The following LGSN variants were observed in gnomAD, a reference collection of about 807,000 sequenced individuals.
The protein encoded by LGSN is lengsin.
LGSN carries 21 observed loss-of-function variants against 19.5 expected under a neutral mutation model. The observed-to-expected ratio is 1.07, with a 90% CI of 0.76 to 1.55. LGSN has a LOEUF of 1.55. Among genes scored for constraint, LGSN ranks in the 40% most tolerant of loss-of-function variants. LGSN has a pLI of 0.00. For missense variants in LGSN, 673 were observed against 608.5 expected, an observed-to-expected ratio of 1.11 and a Z score of -1.12; for synonymous variants, 257 against 215.6, an observed-to-expected ratio of 1.19 and a Z score of -1.68.
At chr6:63,486,887 G>A in the LGSN span, among the ~76,000 whole-genome samples, 1 of 151,410 alleles carries the variant, frequency 6.6e-6, no homozygotes, top group South Asian at 2.1e-4. Context: ...CCAGGCTGGA[G>A]TGCAGTGGTG....
the LGSN span, among the ~76,000 whole-genome samples, chr6:63,358,322 T>C: frequency 6.6e-6 from 1 of 152,248 alleles, no homozygotes; most frequent in African/African-American, 2.4e-5. Flanking sequence ...GTGGGCTCTT[T>C]TTTGGTTCCA....
chr6:63,325,522 C>T, the LGSN span, among the ~76,000 whole-genome samples: 1 of 152,134 alleles, frequency 6.6e-6, no homozygotes, highest in East Asian at 1.9e-4. Context: ...AACATAGAAC[C>T]TACCAAGATT....
At chr6:63,422,604 T>A in the LGSN span, among the ~76,000 whole-genome samples, 7 of 152,146 alleles carry the variant, frequency 4.6e-5, no homozygotes, top group Non-Finnish European at 8.8e-5. Flanking sequence ...ATTAGTAGAC[T>A]GAGATAAGTT....
At chr6:63,550,897 AT>A in the LGSN span, among the ~76,000 whole-genome samples, 3 of 152,110 alleles carry the variant, frequency 2.0e-5, no homozygotes, top group African/African-American at 7.2e-5. Flanking sequence ...AAGTGTTTGG[AT>A]TACATGGATG....
At chr6:63,361,041 C>A in the LGSN span, among the ~76,000 whole-genome samples, 3 of 152,330 alleles carry the variant, frequency 2.0e-5, no homozygotes, top group Non-Finnish European at 4.4e-5. Context: ...GAGTACCCAG[C>A]CATGTGAGGT....
chr6:63,416,847 C>A, the LGSN span, among the ~76,000 whole-genome samples: 1,093 of 151,956 alleles, frequency 7.2e-3, 9 homozygotes, highest in Non-Finnish European at 0.012. Context: ...GGATTGCAGG[C>A]ATGAGCCACC....
the LGSN span, among the ~76,000 whole-genome samples, chr6:63,412,420 A>AAGAGAGAG: frequency 1.6e-5 from 2 of 126,746 alleles, no homozygotes; most frequent in Non-Finnish European, 3.1e-5. Flanking sequence ...AGAAAGAAGA[A>AAGAGAGAG]AGAAAGAAAG....
the LGSN span, among the ~76,000 whole-genome samples, chr6:63,535,962 A>T: frequency 2.6e-5 from 4 of 152,094 alleles, no homozygotes; most frequent in Non-Finnish European, 5.9e-5. Flanking sequence ...TTGTAGAGAC[A>T]GTGTTTCACT....
chr6:63,495,250 C>A, the LGSN span, among the ~76,000 whole-genome samples: 41 of 151,910 alleles, frequency 2.7e-4, no homozygotes, highest in African/African-American at 9.7e-4. Context: ...TCATTCAATC[C>A]CACATTAACC....
At chr6:63,446,018 G>A in the LGSN span, among the ~76,000 whole-genome samples, 2 of 152,090 alleles carry the variant, frequency 1.3e-5, no homozygotes, top group African/African-American at 2.4e-5. Context: ...GAAGGCTGAG[G>A]CAGGCAGGTC....
At position 63,297,693 on chromosome 6, in the gene LGSN, CT is replaced by C. The variant is rs555177660; in HGVS notation, c.31-2649del. Among the ~76,000 whole-genome samples, 223 of 152,270 alleles carry C rather than the reference CT, an allele frequency of 1.5e-3. 1 individual carries two copies. The highest frequency in any genetic ancestry group is 2.5e-3 in the Non-Finnish European group (167 of 68,024). ...TTGAGGTTTGGGTTGTAATTCTGAC[CT>C]TTCCACAAAGTAGCAAGTCCTTCTA... On this transcript the variant is annotated intron_variant, in intron 1 of 3. Transcript: ENST00000370657.
At chr6:63,283,785 C>T (rs1329277116) in intron 3 of LGSN, among the ~76,000 whole-genome samples, 1 of 152,084 alleles carries the variant, frequency 6.6e-6, no homozygotes, top group East Asian at 1.9e-4. Flanking sequence ...ACTGCAACCT[C>T]CGCCTTCCGG....
At chr6:63,399,132 A>G in the LGSN span, among the ~76,000 whole-genome samples, 1 of 151,798 alleles carries the variant, frequency 6.6e-6, no homozygotes, top group Non-Finnish European at 1.5e-5. Flanking sequence ...CTTTTACGCC[A>G]TATTTTTACT....
At chr6:63,292,559 G>C (rs1039622457) in intron 2 of LGSN, among the ~76,000 whole-genome samples, 1 of 152,126 alleles carries the variant, frequency 6.6e-6, no homozygotes, top group Non-Finnish European at 1.5e-5. Flanking sequence ...TCCCCAAAGC[G>C]GCTGGAGAGT....
At chr6:63,353,588 C>CAAAAAAAAAAAAAAAAA in the LGSN span, among the ~76,000 whole-genome samples, 1 of 74,170 alleles carries the variant, frequency 1.3e-5, no homozygotes, top group East Asian at 4.0e-4. Context: ...CAGTTTGTAG[C>CAAAAAAAAAAAAAAAAA]AAAAAAAAAA....
the LGSN span, among the ~76,000 whole-genome samples, chr6:63,341,253 G>A: frequency 6.6e-6 from 1 of 152,158 alleles, no homozygotes; most frequent in Non-Finnish European, 1.5e-5. Flanking sequence ...CAGTGGCAGT[G>A]GGCAGGGCCG....
At chr6:63,368,653 TC>T in the LGSN span, among the ~76,000 whole-genome samples, 2 of 152,244 alleles carry the variant, frequency 1.3e-5, no homozygotes, top group Admixed American at 1.3e-4. Flanking sequence ...GCATTCTTTT[TC>T]TTCAAAACAT....
chr6:63,477,661 C>A, the LGSN span, among the ~76,000 whole-genome samples: 48 of 56,886 alleles, frequency 8.4e-4, no homozygotes, highest in African/African-American at 2.6e-3. Flanking sequence ...TTTTCTTTTT[C>A]TTTTTCTTCT....
chr6:63,285,597 T>C lies in LGSN; in HGVS notation c.320A>G (p.His107Arg). Residue 107 changes from histidine to arginine, a missense_variant, in exon 3 of 4, where the codon CAC (histidine) becomes CGC (arginine). Physicochemically the swap from His to Arg is conservative, Grantham distance 29 (BLOSUM62 0). Coordinates refer to ENST00000370657, the MANE Select transcript of LGSN (RefSeq NM_016571.3). ...GVSRSKTIPA[H>R]FFQEKVSHGV... is the part of the protein sequence containing the mutation. ...CTGTGTAAAACTCACTTGAAAAAAG[T>C]GTGCAGGGATAGTCTTAGACCTGGA... 1.2e-6 allele frequency: 2 copies of C among 1,612,312 alleles called. No homozygotes were observed. Among genetic ancestry groups the C allele is most frequent in the Non-Finnish European group, 1.7e-6 (2 of 1,179,044 alleles).
Sources: allele counts gnomAD v4.1 joint callset (sites outside exome capture counted in the v4.1 genomes callset), GRCh38; gene constraint gnomAD v4.1.1; transcripts MANE v1.5; gene names NCBI Gene and HGNC (gene_info 2026-07-23, HGNC 2026-07-21).